RIMS1: variants seen among roughly 807,000 people sequenced by gnomAD.
RIMS1 encodes the protein regulating synaptic membrane exocytosis protein 1.
In RIMS1, 83 loss-of-function variants were observed where a neutral mutation model predicts 214.1. The ratio of observed to expected loss-of-function variants is 0.39; its 90% confidence interval spans 0.32 to 0.47. The LOEUF is 0.47. Among genes scored for constraint, RIMS1 ranks in the 20% least tolerant of loss-of-function variants. RIMS1 has a pLI of 0.99. For synonymous variants in RIMS1, 793 were observed against 786.8 expected (o/e 1.01, Z -0.13); for missense variants, 2,050 against 2,161.8 (o/e 0.95, Z 1.03).
chr6:72,158,071 C>T lies in RIMS1; in HGVS notation c.472-21504C>T, dbSNP rs1350605142. ...AATATGTTAAATTATGCTTGTTTGT[C>T]ATCAATATTCATTTATATTTACCAA... On this transcript the variant is annotated intron_variant, in intron 4 of 33. Coordinates refer to ENST00000521978, the MANE Select transcript of RIMS1 (RefSeq NM_014989.7). Among the ~76,000 whole-genome samples, 3 of 140,270 alleles carry T rather than the reference C, an allele frequency of 2.1e-5. No individual in the cohort carries two copies. In the Admixed American group the frequency reaches 2.2e-4, roughly 10 times the overall value. 92.0% of individuals were successfully genotyped at this position (140,270 alleles called of 152,430 possible). A position where few individuals can be genotyped will look rare whatever the true frequency, so the allele number is the denominator to read the frequency against.
At chr6:71,895,888 A>G (rs1447807035) in intron 1 of RIMS1, among the ~76,000 whole-genome samples, 1 of 152,180 alleles carries the variant, frequency 6.6e-6, no homozygotes, top group Non-Finnish European at 1.5e-5. Context: ...TATCCAGGTC[A>G]GAAAGATTAC....
intron 1 of RIMS1, among the ~76,000 whole-genome samples, chr6:71,951,166 T>G (rs1789383320): frequency 6.6e-6 from 1 of 152,226 alleles, no homozygotes; most frequent in Non-Finnish European, 1.5e-5. Context: ...TTTTCTTACC[T>G]ATGATGGACT....
At chr6:72,263,679 C>T in intron 19 of RIMS1, 1 of 985,224 alleles carries the variant, frequency 1.0e-6, no homozygotes, top group South Asian at 4.7e-5. Flanking sequence ...AGGCTAAATC[C>T]TTAGTTTCAG....
intron 1 of RIMS1, among the ~76,000 whole-genome samples, chr6:71,894,564 C>T (rs914685557): frequency 1.3e-5 from 2 of 152,138 alleles, no homozygotes; most frequent in African/African-American, 2.4e-5. Flanking sequence ...TTATGAATTG[C>T]GACTTCATAC....
chr6:72,236,685 G>T (rs547645711), intron 8 of RIMS1, among the ~76,000 whole-genome samples: 1 of 151,668 alleles, frequency 6.6e-6, no homozygotes, highest in Admixed American at 6.6e-5. Context: ...TTAAGACAGG[G>T]CTATTTAATC....
At chr6:72,101,398 A>T (rs1562313322) in intron 4 of RIMS1, among the ~76,000 whole-genome samples, 1 of 151,978 alleles carries the variant, frequency 6.6e-6, no homozygotes, top group Non-Finnish European at 1.5e-5. Flanking sequence ...TTTAAACACC[A>T]TTTTAGCTTA....
intron 4 of RIMS1, among the ~76,000 whole-genome samples, chr6:72,107,299 G>T (rs533570113): frequency 6.6e-6 from 1 of 152,288 alleles, no homozygotes; most frequent in African/African-American, 2.4e-5. Context: ...GGTAGCTCAC[G>T]CCTGTAATCC....
chr6:72,082,186 A>G (rs1833572222), intron 2 of RIMS1, among the ~76,000 whole-genome samples: 1 of 152,214 alleles, frequency 6.6e-6, no homozygotes, highest in Admixed American at 6.5e-5. Context: ...ATCTGGATTC[A>G]ATCTATGTAT....
At chr6:72,393,560 C>T (rs2098735631) in intron 31 of RIMS1, among the ~76,000 whole-genome samples, 1 of 151,904 alleles carries the variant, frequency 6.6e-6, no homozygotes, top group African/African-American at 2.4e-5. Context: ...CCCGTCTCTA[C>T]TAAAAATACA....
At chr6:72,295,584 C>T (rs1393418176) in intron 26 of RIMS1, among the ~76,000 whole-genome samples, 1 of 151,470 alleles carries the variant, frequency 6.6e-6, no homozygotes, top group African/African-American at 2.4e-5. Context: ...AAAAAAATCA[C>T]AATGGATTCA....
chr6:72,269,863 T>A lies in RIMS1; in HGVS notation c.3398+3814T>A, dbSNP rs763421235. Among the ~76,000 whole-genome samples, 62 of 152,184 alleles carry A rather than the reference T, an allele frequency of 4.1e-4. 1 individual carries two copies. Among genetic ancestry groups the A allele is most frequent in the Admixed American group, 2.6e-3 (39 of 15,272 alleles). On this transcript the variant is annotated intron_variant, in intron 22 of 33. Transcript: ENST00000521978. ...TCTTCCTTTGTTGTCTGATTAAAAA[T>A]TCTGCTCACTGTTCAAAAATACAGG...
chr6:72,346,367 C>T (rs775616817), intron 29 of RIMS1, among the ~76,000 whole-genome samples: 7 of 151,880 alleles, frequency 4.6e-5, no homozygotes, highest in African/African-American at 7.2e-5. Flanking sequence ...TAAGATCTAA[C>T]GCTTGAGTTC....
intron 11 of RIMS1, 119 bp from the exon 12 acceptor site, chr6:72,247,896 T>A (rs1035798442): frequency 2.0e-5 from 13 of 661,656 alleles, no homozygotes; most frequent in Non-Finnish European, 3.2e-5. Flanking sequence ...CCATTAAAAG[T>A]AGGTTCTGTT....
intron 22 of RIMS1, among the ~76,000 whole-genome samples, chr6:72,268,029 A>G (rs996173501): frequency 2.0e-5 from 3 of 152,164 alleles, no homozygotes; most frequent in Admixed American, 1.3e-4. Context: ...GAAGAACAGC[A>G]ATTATTTTAT....
At chr6:72,033,355 C>A (rs1179966339) in intron 2 of RIMS1, among the ~76,000 whole-genome samples, 2 of 152,204 alleles carry the variant, frequency 1.3e-5, no homozygotes, top group Non-Finnish European at 2.9e-5. Context: ...CTATTGCTTG[C>A]CCTACCCTGG....
At chr6:72,172,213 A>T (rs2047129342) in intron 4 of RIMS1, among the ~76,000 whole-genome samples, 2 of 152,086 alleles carry the variant, frequency 1.3e-5, no homozygotes, top group South Asian at 4.1e-4. Context: ...TTAAATGAAT[A>T]AAAAAATGAT....
chr6:72,328,879 C>T lies in RIMS1; in HGVS notation c.4131-4721C>T, dbSNP rs958553324. Among the ~76,000 whole-genome samples, 4 of 151,856 alleles carry T rather than the reference C, an allele frequency of 2.6e-5. No homozygotes were observed. The South Asian group carries it at 8.3e-4, about 31-fold the overall frequency. ...CACCCAGCTTTCAATGTATTCCTGA[C>T]ACTGAAATCTGCTGGCCAGCCGTCT... On this transcript the variant is annotated intron_variant, in intron 28 of 33. Coordinates refer to ENST00000521978, the MANE Select transcript of RIMS1 (RefSeq NM_014989.7).
intron 6 of RIMS1, among the ~76,000 whole-genome samples, chr6:72,201,607 T>G (rs911712275): frequency 3.3e-5 from 5 of 152,202 alleles, no homozygotes; most frequent in African/African-American, 1.2e-4. Flanking sequence ...GGTATTGAGA[T>G]CTGCCGAATT....
At chr6:72,399,546 A>AGAGAAGTGT (rs1201164992) in intron 33 of RIMS1, among the ~76,000 whole-genome samples, 2 of 152,176 alleles carry the variant, frequency 1.3e-5, no homozygotes, top group Non-Finnish European at 2.9e-5. Flanking sequence ...GGAGAGGAAA[A>AGAGAAGTGT]GAGAAGTGTG....
Sources: allele counts gnomAD v4.1 joint callset (sites outside exome capture counted in the v4.1 genomes callset), GRCh38; gene constraint gnomAD v4.1.1; transcripts MANE v1.5; gene names NCBI Gene and HGNC (gene_info 2026-07-23, HGNC 2026-07-21).